The following SCHIP1 variants were observed in gnomAD, a reference collection of about 807,000 sequenced individuals.
SCHIP1 encodes the protein schwannomin-interacting protein 1.
A neutral mutation model predicts 29.7 loss-of-function variants in SCHIP1; 8 were observed. The ratio of observed to expected loss-of-function variants is 0.27; its 90% CI spans 0.16 to 0.49. SCHIP1 has a LOEUF of 0.49. SCHIP1 is among the 20% of genes least tolerant of loss of function. SCHIP1 has a pLI of 0.99. For missense variants in SCHIP1, 193 were observed against 294.6 expected, an observed-to-expected ratio of 0.66 and a Z score of 2.52; for synonymous variants, 76 against 94.9, an observed-to-expected ratio of 0.80 and a Z score of 1.16.
chr3:159,896,116 G>C (rs1253667630), intron 6 of SCHIP1, among the ~76,000 whole-genome samples: 2 of 152,162 alleles, frequency 1.3e-5, no homozygotes, highest in African/African-American at 4.8e-5. Context: ...ACAAAGACCT[G>C]CCATTTGTTA....
the SCHIP1 span, among the ~76,000 whole-genome samples, chr3:159,441,869 T>C: frequency 6.6e-6 from 1 of 151,852 alleles, no homozygotes; most frequent in Admixed American, 6.6e-5. Flanking sequence ...CTATTATTAT[T>C]ATTATTATTT....
chr3:159,857,890 G>A (rs756314951), intron 1 of SCHIP1, among the ~76,000 whole-genome samples: 4 of 152,126 alleles, frequency 2.6e-5, no homozygotes, highest in Non-Finnish European at 4.4e-5. Flanking sequence ...TCAGTAACTC[G>A]TAGTAATGTC....
chr3:159,331,991 G>A, the SCHIP1 span, among the ~76,000 whole-genome samples: 2 of 152,126 alleles, frequency 1.3e-5, no homozygotes, highest in South Asian at 2.1e-4. Flanking sequence ...CATCACCATA[G>A]CTCAGGTGTC....
At chr3:159,469,586 G>A in the SCHIP1 span, among the ~76,000 whole-genome samples, 2 of 152,156 alleles carry the variant, frequency 1.3e-5, no homozygotes, top group East Asian at 1.9e-4. Flanking sequence ...AGGAGCAGGC[G>A]GGCCTTGGTG....
At chr3:159,601,481 C>T in the SCHIP1 span, among the ~76,000 whole-genome samples, 606 of 152,304 alleles carry the variant, frequency 4.0e-3, 6 homozygotes, top group African/African-American at 0.014. Context: ...GGTAGCCCTC[C>T]GGCCCACCCA....
chr3:159,660,621 T>C, the SCHIP1 span, among the ~76,000 whole-genome samples: 2 of 152,204 alleles, frequency 1.3e-5, no homozygotes, highest in Non-Finnish European at 2.9e-5. Flanking sequence ...AAAGAATGTT[T>C]TTTTAAAAAA....
chr3:159,314,859 G>A, the SCHIP1 span, among the ~76,000 whole-genome samples: 17 of 152,188 alleles, frequency 1.1e-4, no homozygotes, highest in Non-Finnish European at 5.9e-5. Flanking sequence ...TTTAAGGAAA[G>A]TATGATTTTT....
At chr3:159,860,295 G>C (rs556509390) in intron 1 of SCHIP1, among the ~76,000 whole-genome samples, 2 of 152,338 alleles carry the variant, frequency 1.3e-5, no homozygotes, top group South Asian at 4.1e-4. Flanking sequence ...GACAGAGAAA[G>C]AGCAGTCAAG....
At chr3:159,675,837 T>C in the SCHIP1 span, among the ~76,000 whole-genome samples, 2 of 152,206 alleles carry the variant, frequency 1.3e-5, no homozygotes, top group Non-Finnish European at 2.9e-5. Flanking sequence ...TGTGTGTTAA[T>C]ATTTATATAT....
chr3:159,536,444 A>C, the SCHIP1 span, among the ~76,000 whole-genome samples: 1 of 152,202 alleles, frequency 6.6e-6, no homozygotes, highest in Non-Finnish European at 1.5e-5. Flanking sequence ...CTTCTAGGGC[A>C]GAGTCTTACA....
the SCHIP1 span, among the ~76,000 whole-genome samples, chr3:159,382,689 T>C: frequency 6.6e-6 from 1 of 151,130 alleles, no homozygotes; most frequent in Non-Finnish European, 1.5e-5. Flanking sequence ...CACACTGACT[T>C]CCACAATGGT....
At chr3:159,628,043 T>C in the SCHIP1 span, among the ~76,000 whole-genome samples, 1 of 152,230 alleles carries the variant, frequency 6.6e-6, no homozygotes, top group Non-Finnish European at 1.5e-5. Flanking sequence ...CAAGTTTTCA[T>C]CTCAGGACAT....
chr3:159,618,262 G>A, the SCHIP1 span, among the ~76,000 whole-genome samples: 1 of 152,114 alleles, frequency 6.6e-6, no homozygotes, highest in African/African-American at 2.4e-5. Flanking sequence ...GGTTTTTTAA[G>A]TTTTACTCTT....
chr3:159,364,753 C>T, the SCHIP1 span, among the ~76,000 whole-genome samples: 6 of 152,166 alleles, frequency 3.9e-5, no homozygotes, highest in African/African-American at 1.4e-4. Flanking sequence ...GGGTTCAAAG[C>T]TCACCAAAAG....
chr3:159,521,677 T>C, the SCHIP1 span, among the ~76,000 whole-genome samples: 1 of 152,218 alleles, frequency 6.6e-6, no homozygotes, highest in African/African-American at 2.4e-5. Context: ...TGGAGCAGAA[T>C]TGTAACACAA....
At chr3:159,498,481 A>C in the SCHIP1 span, among the ~76,000 whole-genome samples, 19,157 of 152,232 alleles carry the variant, frequency 0.13, 1,210 homozygotes, top group South Asian at 0.14. Flanking sequence ...TAGAACTGGT[A>C]GTCTCTGTTT....
At chr3:159,482,223 C>T in the SCHIP1 span, among the ~76,000 whole-genome samples, 1 of 152,154 alleles carries the variant, frequency 6.6e-6, no homozygotes, top group Non-Finnish European at 1.5e-5. Flanking sequence ...CCCTCCAATG[C>T]TAAGTGTGCT....
the SCHIP1 span, among the ~76,000 whole-genome samples, chr3:159,458,767 G>A: frequency 2.0e-5 from 3 of 151,958 alleles, no homozygotes; most frequent in Admixed American, 2.0e-4. Context: ...ATCCCATTAG[G>A]GAATTAATCT....
At chr3:159,566,929 A>G in the SCHIP1 span, among the ~76,000 whole-genome samples, 3 of 152,176 alleles carry the variant, frequency 2.0e-5, no homozygotes, top group Non-Finnish European at 1.5e-5. Flanking sequence ...TTAAGTGTAC[A>G]TTTTCACACT....
Sources: gnomAD v4.1 joint callset for allele counts (sites outside exome capture counted in the v4.1 genomes callset) on GRCh38, gnomAD v4.1.1 for gene constraint, MANE v1.5 for transcripts, NCBI Gene and HGNC (gene_info 2026-07-23, HGNC 2026-07-21) for gene names.